Variants in CTNNA2 observed in about 807,000 individuals in gnomAD.
CTNNA2 encodes the protein catenin alpha-2.
CTNNA2 carries 42 observed loss-of-function variants against 101.0 expected under a neutral mutation model. The observed-to-expected ratio is 0.42, with a 90% CI of 0.32 to 0.54. CTNNA2 has a LOEUF of 0.54. CTNNA2 is among the 20% of genes least tolerant of loss of function. The pLI, the probability that CTNNA2 is intolerant of heterozygous loss-of-function variation, is 0.14. For missense variants in CTNNA2, 871 were observed against 1,223.1 expected (o/e 0.71, Z 4.29); for synonymous variants, 450 against 456.4 (o/e 0.99, Z 0.18).
At chr2:80,540,333 A>AT (rs1691442908) in intron 9 of CTNNA2, among the ~76,000 whole-genome samples, 1 of 152,194 alleles carries the variant, frequency 6.6e-6, no homozygotes, top group Non-Finnish European at 1.5e-5. Context: ...GTGGTGGCTC[A>AT]TGCCTGTAAT....
intron 2 of CTNNA2, among the ~76,000 whole-genome samples, chr2:79,204,438 A>G (rs185187028): frequency 6.6e-6 from 1 of 152,252 alleles, no homozygotes; most frequent in Non-Finnish European, 1.5e-5. Context: ...TATATAAGGA[A>G]CTGATCACGA....
chr2:80,351,043 T>C (rs1673239810), intron 7 of CTNNA2, among the ~76,000 whole-genome samples: 1 of 152,194 alleles, frequency 6.6e-6, no homozygotes. Context: ...TTTCTCGTGA[T>C]GAGCTCTAAC....
At chr2:79,314,041 CT>C (rs1676441674) in intron 3 of CTNNA2, among the ~76,000 whole-genome samples, 1 of 152,114 alleles carries the variant, frequency 6.6e-6, no homozygotes, top group Non-Finnish European at 1.5e-5. Flanking sequence ...TCCTTCTGTG[CT>C]GTTAGTCATT....
At chr2:80,618,196 A>T (rs1699010454) in intron 17 of CTNNA2, among the ~76,000 whole-genome samples, 1 of 151,862 alleles carries the variant, frequency 6.6e-6, no homozygotes, top group African/African-American at 2.4e-5. Flanking sequence ...TAAAGCTATG[A>T]CTAGAGCAGA....
At chr2:79,762,056 C>T (rs766104884) in intron 3 of CTNNA2, among the ~76,000 whole-genome samples, 20 of 152,128 alleles carry the variant, frequency 1.3e-4, no homozygotes, top group South Asian at 8.3e-4. Flanking sequence ...AGGGCTTCGT[C>T]GTTAATTAGG....
chr2:79,620,014 T>C (rs1678893995), intron 1 of CTNNA2, among the ~76,000 whole-genome samples: 1 of 152,208 alleles, frequency 6.6e-6, no homozygotes, highest in Admixed American at 6.5e-5. Flanking sequence ...GACTTTTTCT[T>C]ATTAAGCAAA....
intron 7 of CTNNA2, among the ~76,000 whole-genome samples, chr2:80,380,864 A>C (rs1676452975): frequency 6.6e-6 from 1 of 152,194 alleles, no homozygotes; most frequent in Admixed American, 6.5e-5. Context: ...ATTCTTTACA[A>C]ATTAACACAG....
chr2:80,550,909 C>A (rs114426508), intron 11 of CTNNA2, among the ~76,000 whole-genome samples: 1 of 152,122 alleles, frequency 6.6e-6, no homozygotes, highest in African/African-American at 2.4e-5. Flanking sequence ...ACTAGGATGG[C>A]GAATTCTTTC....
In CTNNA2 at chr2:79,996,765, G is replaced by A. The variant is rs557523115; in HGVS notation, c.1056+86968G>A. On this transcript the variant is annotated intron_variant, in intron 7 of 18. Coordinates refer to ENST00000402739, the MANE Select transcript of CTNNA2 (RefSeq NM_001282597.3). ...TGCAGTGTGGATCAGGCCCTGGAACGTGGTGATTACAGACATGCTGCAGAG... is the reference window on the plus strand; with the variant it reads ...TGCAGTGTGGATCAGGCCCTGGAACATGGTGATTACAGACATGCTGCAGAG... Among the ~76,000 whole-genome samples the A allele has an allele frequency of 4.6e-5, 7 of 152,236 alleles. No homozygotes were observed. In the East Asian group the frequency reaches 5.8e-4, roughly 13 times the overall value.
intron 2 of CTNNA2, among the ~76,000 whole-genome samples, chr2:79,685,733 A>G (rs1683887878): frequency 6.6e-6 from 1 of 152,194 alleles, no homozygotes; most frequent in Admixed American, 6.5e-5. Flanking sequence ...CAAAGAAGAA[A>G]GGAAGACTGG....
intron 4 of CTNNA2, among the ~76,000 whole-genome samples, chr2:79,411,710 C>A (rs1005504481): frequency 6.6e-6 from 1 of 152,056 alleles, no homozygotes; most frequent in Admixed American, 6.6e-5. Context: ...GATTTTGTCA[C>A]CACCAGGCCT....
At chr2:79,349,485 A>C (rs1677335921) in intron 3 of CTNNA2, among the ~76,000 whole-genome samples, 3 of 152,188 alleles carry the variant, frequency 2.0e-5, no homozygotes, top group Admixed American at 1.3e-4. Flanking sequence ...TATGCTATGT[A>C]CTGGAGGTTA....
rs75855324 is a variant in CTNNA2, at chr2:79,489,941, T to C, written c.-134-15113T>C. Among the ~76,000 whole-genome samples the C allele has an allele frequency of 0.011, 1,680 of 152,250 alleles. 74 individuals carry two copies. In the East Asian group the frequency reaches 0.13, roughly 12 times the overall value. ...GGCAGGGAATACTCATGGCCCCTCGTCTCATTGTCACTGTAATTTTCAGTT... is the reference window on the plus strand; with the variant it reads ...GGCAGGGAATACTCATGGCCCCTCGCCTCATTGTCACTGTAATTTTCAGTT... On this transcript the variant is annotated intron_variant, in intron 4 of 21. Coordinates refer to the CTNNA2 transcript ENST00000466387.
At chr2:79,925,573 T>C (rs940478140) in intron 7 of CTNNA2, among the ~76,000 whole-genome samples, 2 of 152,130 alleles carry the variant, frequency 1.3e-5, no homozygotes, top group African/African-American at 2.4e-5. Flanking sequence ...CACATCTATA[T>C]GTTTAAAGGA....
intron 7 of CTNNA2, among the ~76,000 whole-genome samples, chr2:80,296,023 G>A (rs1675708250): frequency 6.6e-6 from 1 of 152,048 alleles, no homozygotes; most frequent in Non-Finnish European, 1.5e-5. Context: ...ACCAGACTGA[G>A]CACATTGATT....
At chr2:80,191,047 A>C (rs1706468708) in intron 7 of CTNNA2, among the ~76,000 whole-genome samples, 1 of 152,178 alleles carries the variant, frequency 6.6e-6, no homozygotes, top group Admixed American at 6.5e-5. Flanking sequence ...GGTGACCTTA[A>C]ACTTCCTCAG....
At chr2:79,436,229 T>C (rs17040656) in intron 4 of CTNNA2, among the ~76,000 whole-genome samples, 1 of 151,950 alleles carries the variant, frequency 6.6e-6, no homozygotes, top group Non-Finnish European at 1.5e-5. Flanking sequence ...TCAGGAAGCC[T>C]TAGTGGATCA....
At chr2:80,588,622 C>T (rs1275774249) in intron 14 of CTNNA2, among the ~76,000 whole-genome samples, 1 of 152,184 alleles carries the variant, frequency 6.6e-6, no homozygotes, top group African/African-American at 2.4e-5. Context: ...AAAATGAACC[C>T]ATGCTTCCTA....
intron 4 of CTNNA2, among the ~76,000 whole-genome samples, chr2:79,450,716 CAA>C (rs371426018): frequency 2.6e-4 from 40 of 152,146 alleles, no homozygotes; most frequent in African/African-American, 9.1e-4. Context: ...TTGATACAAA[CAA>C]GAGTTAAATT....
Sources: gnomAD v4.1 joint callset for allele counts (sites outside exome capture counted in the v4.1 genomes callset) on GRCh38, gnomAD v4.1.1 for gene constraint, MANE v1.5 for transcripts, NCBI Gene and HGNC (gene_info 2026-07-23, HGNC 2026-07-21) for gene names.